Variants in CHODL observed in about 807,000 individuals in gnomAD.
CHODL encodes the protein transmembrane protein MT75.
CHODL carries 29 observed loss-of-function variants against 34.5 expected under a neutral mutation model. The observed-to-expected ratio is 0.84, with a 90% CI of 0.63 to 1.15. The LOEUF (loss-of-function observed/expected upper bound fraction) is 1.15. CHODL is among the 50% of genes most tolerant of loss of function. The pLI, the probability that CHODL is intolerant of heterozygous loss-of-function variation, is 0.00. For synonymous variants in CHODL, 125 were observed against 116.1 expected (o/e 1.08, Z -0.49); for missense variants, 332 against 332.5 (o/e 1.00, Z 0.01).
At chr21:18,110,493 T>C (rs1403828404) in intron 2 of CHODL, among the ~76,000 whole-genome samples, 2 of 152,142 alleles carry the variant, frequency 1.3e-5, no homozygotes, top group Admixed American at 6.5e-5. Flanking sequence ...CCAGTGGCTA[T>C]GCTTAAAGGA....
chr21:18,119,102 CTG>C (rs978776665), intron 2 of CHODL, among the ~76,000 whole-genome samples: 2 of 152,122 alleles, frequency 1.3e-5, no homozygotes, highest in Non-Finnish European at 2.9e-5. Flanking sequence ...ATATGATAAA[CTG>C]AGCATGTTTA....
chr21:18,257,211 G>A (rs1601218474), intron 3 of CHODL, 84 bp downstream of exon 3: 1 of 1,284,934 alleles, frequency 7.8e-7, no homozygotes. Context: ...ACTACCTGTG[G>A]CTCTTTTTGT....
chr21:18,211,999 A>G (rs949906764), intron 2 of CHODL, among the ~76,000 whole-genome samples: 1 of 152,234 alleles, frequency 6.6e-6, no homozygotes, highest in Non-Finnish European at 1.5e-5. Context: ...GTTACACAAT[A>G]AATGTTCCAT....
At chr21:18,037,021 T>TATCTTC (rs2064319745) in intron 2 of CHODL, among the ~76,000 whole-genome samples, 1 of 151,990 alleles carries the variant, frequency 6.6e-6, no homozygotes, top group Non-Finnish European at 1.5e-5. Context: ...AGAAGGTTAG[T>TATCTTC]ATGCCCAATA....
At chr21:18,200,080 G>A (rs546598524) in intron 2 of CHODL, among the ~76,000 whole-genome samples, 15 of 152,078 alleles carry the variant, frequency 9.9e-5, no homozygotes, top group Non-Finnish European at 2.2e-4. Flanking sequence ...AGCAATGAAT[G>A]ATAGTTCTAT....
chr21:18,144,679 T>C (rs1439613830), intron 2 of CHODL, among the ~76,000 whole-genome samples: 1 of 152,160 alleles, frequency 6.6e-6, no homozygotes. Flanking sequence ...TTTAAAATGT[T>C]GAATCTGTTT....
rs1159511070 is a variant in CHODL at position 18,174,123 on chromosome 21, GTATATATATATATA to G, written c.-44-82361_-44-82348del. Among the ~76,000 whole-genome samples, 11 of 21,550 alleles carry G rather than the reference GTATATATATATATA, an allele frequency of 5.1e-4. 1 individual carries two copies. Among genetic ancestry groups the G allele is most frequent in the African/African-American group, 1.1e-3 (9 of 8,494 alleles). The allele number at this position is 21,550 out of a possible 152,430, so 14.1% of individuals were successfully genotyped here. A position where few individuals can be genotyped will look rare whatever the true frequency, so the allele number is the denominator to read the frequency against. ...GATATATATATATATATATCTTGGT[GTATATATATATATA>G]TATATATATATATATATATATATAA... On this transcript the variant is annotated intron_variant, in intron 2 of 6. Transcript: ENST00000400127.
rs145515047 is a variant in CHODL, at chr21:18,061,256, C to T, written c.-45+33285C>T. On this transcript the variant is annotated intron_variant, in intron 2 of 6. Transcript: ENST00000400127. The stretch of plus-strand genomic sequence containing the variant: ...TATTTGTGGAAATCCATGGTTCAGA[C>T]GCTTAGCAAATTTCTGAACTTCGGA... Among the ~76,000 whole-genome samples, 52 of 152,210 alleles carry T rather than the reference C, an allele frequency of 3.4e-4. 1 individual carries two copies. The East Asian group carries it at 7.9e-3, about 23-fold the overall frequency.
chr21:18,091,799 A>G (rs1416997616), intron 2 of CHODL, among the ~76,000 whole-genome samples: 1 of 152,164 alleles, frequency 6.6e-6, no homozygotes, highest in East Asian at 1.9e-4. Flanking sequence ...AAACATTGCC[A>G]GTAGCCTGGC....
intron 1 of CHODL, among the ~76,000 whole-genome samples, chr21:17,933,761 C>T (rs1416976350): frequency 6.6e-6 from 1 of 152,076 alleles, no homozygotes; most frequent in Non-Finnish European, 1.5e-5. Flanking sequence ...AAATAGTAGG[C>T]CGGGCGTGGT....
chr21:17,987,957 C>T lies in CHODL; in HGVS notation c.-144-39915C>T, dbSNP rs76925704. On this transcript the variant is annotated intron_variant, in intron 1 of 6. Coordinates refer to the CHODL transcript ENST00000400127. The stretch of plus-strand genomic sequence containing the variant: ...CTGCTTCATGGCTCTGAGAAAGGCA[C>T]AAATTGAGGGTGGATGCATTGGAGC... Among the ~76,000 whole-genome samples, 126 of 152,148 alleles carry T rather than the reference C, an allele frequency of 8.3e-4. 2 individuals are homozygous for T. The East Asian group carries it at 0.023, about 28-fold the overall frequency.
rs34768313 is a variant in CHODL, at chr21:17,947,544, G to GACACACAC, written c.-145+30160_-145+30167dup. ...CAACCTAATAAGAAACACACACACA[G>GACACACAC]ACACACACACACACACACACACATA... is the stretch of plus-strand genomic sequence containing the variant. On this transcript the variant is annotated intron_variant, in intron 1 of 6. Transcript: ENST00000400127. 1.3e-4 allele frequency among the ~76,000 whole-genome samples: 19 copies of GACACACAC among 149,676 alleles called. No individual in the cohort carries two copies. The South Asian group carries it at 2.5e-3, about 20-fold the overall frequency.
chr21:18,211,642 T>A (rs2073775920), intron 2 of CHODL, among the ~76,000 whole-genome samples: 1 of 152,212 alleles, frequency 6.6e-6, no homozygotes, highest in Non-Finnish European at 1.5e-5. Context: ...TCTTTCACAT[T>A]TACTTTACTT....
chr21:18,070,025 T>TC (rs762159927), intron 2 of CHODL, among the ~76,000 whole-genome samples: 364 of 29,124 alleles, frequency 0.012, 5 homozygotes, highest in Admixed American at 0.022. Flanking sequence ...TTCCCTTCCC[T>TC]CCCCCCCCCC....
chr21:18,095,581 G>A (rs1248333729), intron 2 of CHODL, among the ~76,000 whole-genome samples: 2 of 152,208 alleles, frequency 1.3e-5, no homozygotes, highest in East Asian at 3.9e-4. Context: ...AACATTTAAA[G>A]AAAAGCTAAT....
intron 2 of CHODL, chr21:18,114,990 A>G (rs557314357): frequency 6.6e-6 from 1 of 152,388 alleles, no homozygotes; most frequent in South Asian, 2.1e-4. Context: ...AACCCAGCCT[A>G]AACTGCTTCT....
intron 2 of CHODL, among the ~76,000 whole-genome samples, chr21:18,185,056 G>T (rs1453662193): frequency 6.6e-6 from 1 of 151,792 alleles, no homozygotes; most frequent in Admixed American, 6.6e-5. Context: ...TAGGTTCTGG[G>T]ATACATGTGC....
At chr21:17,940,388 G>A (rs2063353249) in intron 1 of CHODL, among the ~76,000 whole-genome samples, 1 of 152,104 alleles carries the variant, frequency 6.6e-6, no homozygotes. Context: ...TCATAGTCTA[G>A]TGCTATAAAT....
intron 1 of CHODL, among the ~76,000 whole-genome samples, chr21:18,009,853 A>C (rs1041057832): frequency 2.9e-5 from 4 of 138,220 alleles, no homozygotes; most frequent in Non-Finnish European, 4.5e-5. Flanking sequence ...GAGCCACTGC[A>C]CTCCAGCCTG....
Sources: gnomAD v4.1 joint callset for allele counts (sites outside exome capture counted in the v4.1 genomes callset) on GRCh38, gnomAD v4.1.1 for gene constraint, MANE v1.5 for transcripts, NCBI Gene and HGNC (gene_info 2026-07-23, HGNC 2026-07-21) for gene names.